The following TLK1 variants were observed in gnomAD, a reference collection of about 807,000 sequenced individuals.
TLK1 encodes tousled like kinase 1.
A neutral mutation model predicts 105.3 loss-of-function variants in TLK1; 24 were observed. That is an observed-to-expected ratio of 0.23 (90% confidence interval 0.17 to 0.32). The LOEUF is 0.32. TLK1 is among the 10% of genes least tolerant of loss of function. The probability of loss-of-function intolerance (pLI) is 1.00; values close to 1 mark genes in which losing one functional copy is unlikely to be tolerated. For synonymous variants in TLK1, 321 were observed against 310.4 expected (o/e 1.03, Z -0.36); for missense variants, 558 against 910.5 (o/e 0.61, Z 4.98).
intron 2 of TLK1, among the ~76,000 whole-genome samples, chr2:171,115,697 T>C (rs1393485560): frequency 1.3e-5 from 2 of 152,196 alleles, no homozygotes; most frequent in South Asian, 4.1e-4. Context: ...ATTGACTATA[T>C]GTAAAATCTC....
intron 1 of TLK1, among the ~76,000 whole-genome samples, chr2:171,195,062 T>C (rs1239571821): frequency 1.3e-5 from 2 of 152,126 alleles, no homozygotes; most frequent in Admixed American, 6.5e-5. Context: ...TTCTCTGATA[T>C]GCATTTTCGT....
intron 8 of TLK1, among the ~76,000 whole-genome samples, chr2:171,052,311 T>C (rs577603891): frequency 8.8e-4 from 134 of 152,260 alleles, no homozygotes; most frequent in African/African-American, 3.1e-3. Flanking sequence ...ATAACTGGTA[T>C]TATACAGTAA....
rs1692470545 is a variant in TLK1, at chr2:171,160,882, G to C, written c.-454C>G. The C allele has an allele frequency of 3.4e-6, 1 of 293,666 alleles. No individual in the cohort carries two copies. The highest frequency in any genetic ancestry group is 6.2e-6 in the Non-Finnish European group (1 of 162,474). The allele number at this position is 293,666 out of a possible 1,614,324, so 18.2% of individuals were successfully genotyped here. The stretch of plus-strand genomic sequence containing the variant: ...CTGTGGGTGGCGGCTGAGGCGGTGG[G>C]GTAACCTCTGCATCAGTTACAGGCG... On this transcript the variant is annotated 5_prime_UTR_variant, in exon 1 of 21. Transcript: ENST00000431350. The surrounding 1 kb of genome is among the most constrained non-coding windows in gnomAD (Gnocchi z 4.4).
intron 1 of TLK1, among the ~76,000 whole-genome samples, chr2:171,123,763 G>T (rs1203084151): frequency 1.3e-5 from 2 of 152,220 alleles, no homozygotes; most frequent in Non-Finnish European, 2.9e-5. Flanking sequence ...AGTGAGTCAT[G>T]ATTGTGCCAC....
chr2:171,011,616 T>C (rs944879020), intron 13 of TLK1, among the ~76,000 whole-genome samples, 162 bp from the exon 14 acceptor site: 1 of 152,196 alleles, frequency 6.6e-6, no homozygotes, highest in Non-Finnish European at 1.5e-5. Flanking sequence ...TCTCTACCAG[T>C]CTATCTGCAT....
intron 1 of TLK1, among the ~76,000 whole-genome samples, chr2:171,137,737 T>C (rs1691387436): frequency 6.6e-6 from 1 of 151,846 alleles, no homozygotes; most frequent in African/African-American, 2.4e-5. Context: ...TAGTCCCAGC[T>C]ACTCGGGAGG....
intron 3 of TLK1, among the ~76,000 whole-genome samples, chr2:171,080,688 A>G (rs1688710590): frequency 6.6e-6 from 1 of 151,618 alleles, no homozygotes; most frequent in Non-Finnish European, 1.5e-5. Context: ...AATGCAGAAC[A>G]GCAAAAGTCA....
chr2:171,022,632 C>A (rs936290405), intron 12 of TLK1, among the ~76,000 whole-genome samples: 1 of 152,158 alleles, frequency 6.6e-6, no homozygotes, highest in Non-Finnish European at 1.5e-5. Context: ...TAGAAGATTT[C>A]TTCCAGTCAT....
At chr2:171,046,911 G>A (rs2033161) in intron 10 of TLK1, among the ~76,000 whole-genome samples, 139,807 of 152,228 alleles carry the variant, frequency 0.92, 65,268 homozygotes, top group East Asian at 1. Flanking sequence ...TGAATTTAAT[G>A]TGAAGAGAGT....
At chr2:171,037,969 C>T (rs557149658) in intron 11 of TLK1, among the ~76,000 whole-genome samples, 1 of 152,196 alleles carries the variant, frequency 6.6e-6, no homozygotes, top group East Asian at 1.9e-4. Flanking sequence ...TTCTTAGATG[C>T]GGTTATTTGG....
At chr2:171,225,340 C>T (rs1693879003) in intron 1 of TLK1, among the ~76,000 whole-genome samples, 2 of 151,948 alleles carry the variant, frequency 1.3e-5, no homozygotes, top group Non-Finnish European at 2.9e-5. Context: ...AAACATTTCC[C>T]CAAAGAAGAC....
rs1442747847 is a variant in TLK1, at chr2:171,124,452, C to A, written c.140-6595G>T. ...TTTCAATCTCAGCCTTTAGCTCAAA[C>A]AATTGTGAAAATATACTTTACCACT... is the stretch of plus-strand genomic sequence containing the variant. On this transcript the variant is annotated intron_variant, in intron 1 of 20. Coordinates refer to ENST00000431350, the MANE Select transcript of TLK1 (RefSeq NM_012290.5). 3.3e-5 allele frequency among the ~76,000 whole-genome samples: 5 copies of A among 152,290 alleles called. No individual in the cohort carries two copies. The East Asian group carries it at 7.7e-4, about 23-fold the overall frequency.
chr2:171,033,449 T>A (rs1396913326), intron 11 of TLK1, among the ~76,000 whole-genome samples: 3 of 151,238 alleles, frequency 2.0e-5, no homozygotes, highest in Non-Finnish European at 4.4e-5. Context: ...GGGCAAAAGG[T>A]GGGGTTGGTT....
chr2:171,172,235 A>C (rs1479038101), intron 1 of TLK1, among the ~76,000 whole-genome samples: 2 of 152,194 alleles, frequency 1.3e-5, no homozygotes, highest in Admixed American at 1.3e-4. Flanking sequence ...TGGGTTAAAA[A>C]TCAGGACAGT....
At chr2:171,173,215 A>G (rs752045668) in intron 1 of TLK1, among the ~76,000 whole-genome samples, 3 of 152,230 alleles carry the variant, frequency 2.0e-5, no homozygotes, top group Non-Finnish European at 2.9e-5. Flanking sequence ...TATGCTCACT[A>G]TTATTATAAC....
intron 3 of TLK1, among the ~76,000 whole-genome samples, chr2:171,078,128 T>C (rs1321599538): frequency 1.3e-5 from 2 of 152,242 alleles, no homozygotes; most frequent in Non-Finnish European, 2.9e-5. Flanking sequence ...CCTTCTGTGA[T>C]GCCCATCTCA....
At chr2:171,206,240 G>T (rs551090445) in intron 1 of TLK1, among the ~76,000 whole-genome samples, 21 of 152,220 alleles carry the variant, frequency 1.4e-4, no homozygotes, top group Non-Finnish European at 2.4e-4. Flanking sequence ...TTTCCTAGAG[G>T]CACATAAAAT....
At chr2:171,129,935 A>G (rs934876626) in intron 1 of TLK1, among the ~76,000 whole-genome samples, 1 of 152,194 alleles carries the variant, frequency 6.6e-6, no homozygotes, top group Non-Finnish European at 1.5e-5. Context: ...ATTTCAACCT[A>G]TTATTTCATC....
At chr2:171,038,510 T>G (rs923300170) in intron 11 of TLK1, among the ~76,000 whole-genome samples, 1 of 152,192 alleles carries the variant, frequency 6.6e-6, no homozygotes, top group Non-Finnish European at 1.5e-5. Flanking sequence ...TATGTAGCAC[T>G]TTCACTAACA....
Sources: allele counts gnomAD v4.1 joint callset (sites outside exome capture counted in the v4.1 genomes callset), GRCh38; gene constraint gnomAD v4.1.1; non-coding constraint Gnocchi (gnomAD v3.1); transcripts MANE v1.5; gene names NCBI Gene and HGNC (gene_info 2026-07-23, HGNC 2026-07-21).